NAALADL2: variants seen among roughly 807,000 people sequenced by gnomAD.
NAALADL2 encodes N-acetylated alpha-linked acidic dipeptidase like 2.
In NAALADL2, 76 loss-of-function variants were observed where a neutral mutation model predicts 87.2. That is an observed-to-expected ratio of 0.87 (90% confidence interval 0.72 to 1.05). The LOEUF is 1.05. Ranked by LOEUF, NAALADL2 falls within the 50% of genes least tolerant of loss-of-function variation. NAALADL2 has a pLI of 0.00. For synonymous variants in NAALADL2, 354 were observed against 331.0 expected (o/e 1.07, Z -0.75); for missense variants, 1,089 against 945.8 (o/e 1.15, Z -1.99).
intron 4 of NAALADL2, among the ~76,000 whole-genome samples, chr3:175,262,385 C>A (rs1405848855): frequency 6.6e-6 from 1 of 151,866 alleles, no homozygotes; most frequent in Non-Finnish European, 1.5e-5. Flanking sequence ...TTTATTTATT[C>A]TAATTATTAG....
At chr3:175,373,345 C>T (rs1262517411) in intron 5 of NAALADL2, among the ~76,000 whole-genome samples, 5 of 152,188 alleles carry the variant, frequency 3.3e-5, no homozygotes, top group African/African-American at 9.6e-5. Context: ...CTAGTCTAAC[C>T]GCTGATCTAA....
intron 5 of NAALADL2, among the ~76,000 whole-genome samples, chr3:175,442,803 G>T (rs961393129): frequency 1.3e-5 from 2 of 152,162 alleles, no homozygotes; most frequent in African/African-American, 4.8e-5. Flanking sequence ...TCTTTATGAA[G>T]CATAAACAAG....
chr3:175,024,298 C>T (rs1330919441), intron 1 of NAALADL2, among the ~76,000 whole-genome samples: 2 of 152,006 alleles, frequency 1.3e-5, no homozygotes, highest in Non-Finnish European at 2.9e-5. Flanking sequence ...TTATGAATGT[C>T]TGTTTGTGCT....
At chr3:175,361,123 G>T (rs1463926328) in intron 5 of NAALADL2, among the ~76,000 whole-genome samples, 3 of 151,770 alleles carry the variant, frequency 2.0e-5, no homozygotes, top group African/African-American at 7.3e-5. Context: ...GTGGTGTTTG[G>T]TTTTCTGTCC....
At chr3:174,823,312 C>G (rs1483935649) in intron 3 of NAALADL2, among the ~76,000 whole-genome samples, 1 of 151,664 alleles carries the variant, frequency 6.6e-6, no homozygotes, top group Non-Finnish European at 1.5e-5. Context: ...GTTGTTTTCT[C>G]ATTGCAAGAT....
chr3:174,468,203 T>C (rs1274533602), intron 1 of NAALADL2, among the ~76,000 whole-genome samples: 1 of 152,106 alleles, frequency 6.6e-6, no homozygotes, highest in Non-Finnish European at 1.5e-5. Context: ...GGACACAATC[T>C]GGTAACTGGA....
intron 2 of NAALADL2, among the ~76,000 whole-genome samples, chr3:174,586,903 A>G (rs1324801889): frequency 6.6e-6 from 1 of 152,078 alleles, no homozygotes; most frequent in African/African-American, 2.4e-5. Context: ...TTACATATGT[A>G]TACATGAGCC....
At chr3:174,997,362 G>A (rs1476684394) in intron 1 of NAALADL2, among the ~76,000 whole-genome samples, 2 of 151,766 alleles carry the variant, frequency 1.3e-5, no homozygotes, top group African/African-American at 4.8e-5. Context: ...TTAATTATGA[G>A]TCTTCATTAT....
At chr3:175,432,714 A>T (rs1309570409) in intron 5 of NAALADL2, among the ~76,000 whole-genome samples, 3 of 152,028 alleles carry the variant, frequency 2.0e-5, no homozygotes, top group African/African-American at 7.2e-5. Context: ...GATGTAGCTA[A>T]TGAGAAGAGT....
At chr3:175,169,625 T>G (rs1442623333) in intron 2 of NAALADL2, among the ~76,000 whole-genome samples, 1 of 151,730 alleles carries the variant, frequency 6.6e-6, no homozygotes, top group Non-Finnish European at 1.5e-5. Flanking sequence ...AATTCTGAGT[T>G]TTTATCCGTT....
At chr3:175,124,350 C>G (rs1218522352) in intron 2 of NAALADL2, 1 of 151,990 alleles carries the variant, frequency 6.6e-6, no homozygotes, top group Non-Finnish European at 1.5e-5. Context: ...GATGATGTCA[C>G]AAACCCATGC....
chr3:174,646,972 A>G (rs1224231018), intron 2 of NAALADL2, among the ~76,000 whole-genome samples: 1 of 152,132 alleles, frequency 6.6e-6, no homozygotes, highest in Non-Finnish European at 1.5e-5. Context: ...GGTACATCTA[A>G]CTCACTGTTA....
intron 1 of NAALADL2, among the ~76,000 whole-genome samples, chr3:174,938,872 G>A (rs1738130709): frequency 6.6e-6 from 1 of 151,892 alleles, no homozygotes; most frequent in Non-Finnish European, 1.5e-5. Flanking sequence ...GAGGTTGTTT[G>A]TTTTTCTCTT....
chr3:175,475,527 A>G (rs1725568316), intron 9 of NAALADL2, among the ~76,000 whole-genome samples: 1 of 152,170 alleles, frequency 6.6e-6, no homozygotes. Flanking sequence ...TCTTAAGAAA[A>G]TAGCAATGAA....
intron 1 of NAALADL2, among the ~76,000 whole-genome samples, chr3:174,950,324 T>C (rs938529508): frequency 4.6e-5 from 7 of 152,098 alleles, no homozygotes; most frequent in Admixed American, 3.3e-4. Flanking sequence ...TAATACCTGG[T>C]ATATCTTGAG....
chr3:174,701,637 G>T (rs2108884018), intron 2 of NAALADL2, among the ~76,000 whole-genome samples: 1 of 151,604 alleles, frequency 6.6e-6, no homozygotes, highest in Non-Finnish European at 1.5e-5. Context: ...GGTTACTACT[G>T]ATCTGCTAAC....
chr3:174,703,189 G>C (rs904115491), intron 2 of NAALADL2, among the ~76,000 whole-genome samples: 5 of 151,990 alleles, frequency 3.3e-5, no homozygotes, highest in African/African-American at 1.2e-4. Context: ...GCCCAAGGTG[G>C]AGTGCAGTGG....
At chr3:175,255,607 G>A (rs765348817) in intron 3 of NAALADL2, among the ~76,000 whole-genome samples, 29 of 152,040 alleles carry the variant, frequency 1.9e-4, no homozygotes, top group Admixed American at 9.2e-4. Context: ...AAAATCAATC[G>A]TCTTGGCCCA....
chr3:175,021,205 A>G (rs1170469350), intron 1 of NAALADL2, among the ~76,000 whole-genome samples: 1 of 152,028 alleles, frequency 6.6e-6, no homozygotes, highest in Non-Finnish European at 1.5e-5. Flanking sequence ...TTCACCGAAT[A>G]TACGCAATTT....
Sources: allele counts gnomAD v4.1 joint callset (sites outside exome capture counted in the v4.1 genomes callset), GRCh38; gene constraint gnomAD v4.1.1; transcripts MANE v1.5; gene names NCBI Gene and HGNC (gene_info 2026-07-23, HGNC 2026-07-21).